Variants in RBM6 observed in about 807,000 individuals in gnomAD.
The protein encoded by RBM6 is RNA binding motif protein 6.
Under a neutral mutation model 140.4 loss-of-function variants are expected in RBM6, and 23 were observed. The ratio of observed to expected loss-of-function variants is 0.16; its 90% CI spans 0.12 to 0.23. The LOEUF (loss-of-function observed/expected upper bound fraction) is 0.23, where lower values mean the gene tolerates loss of function less well. RBM6 is among the 10% of genes least tolerant of loss of function. The pLI, the probability that RBM6 is intolerant of heterozygous loss-of-function variation, is 1.00. For missense variants in RBM6, 1,139 were observed against 1,386.7 expected (o/e 0.82, Z 2.84); for synonymous variants, 439 against 475.6 (o/e 0.92, Z 1.00).
intron 14 of RBM6, 117 bp from the exon 15 acceptor site, chr3:50,061,845 A>G: frequency 7.3e-7 from 1 of 1,367,442 alleles, no homozygotes; most frequent in Non-Finnish European, 9.8e-7. Context: ...GACTCTTCTT[A>G]GACTTGTAAG....
chr3:49,969,012 C>CATTTATTT (rs549393903), intron 3 of RBM6, among the ~76,000 whole-genome samples: 1 of 147,414 alleles, frequency 6.8e-6, no homozygotes, highest in Non-Finnish European at 1.5e-5. Context: ...TGAAGGATGA[C>CATTTATTT]ATTTATTTAT....
chr3:49,959,885 A>G (rs1559525823), intron 1 of RBM6, among the ~76,000 whole-genome samples: 1 of 152,098 alleles, frequency 6.6e-6, no homozygotes, highest in Non-Finnish European at 1.5e-5. Flanking sequence ...GTCTTGTATG[A>G]TCATACATTT....
chr3:50,006,887 G>A (rs942543934), intron 6 of RBM6, among the ~76,000 whole-genome samples: 12 of 146,894 alleles, frequency 8.2e-5, no homozygotes, highest in South Asian at 2.2e-4. Context: ...AGCCGAGATC[G>A]CACCACTGCA....
intron 5 of RBM6, among the ~76,000 whole-genome samples, chr3:49,988,666 A>C (rs1309698212): frequency 6.6e-6 from 1 of 152,150 alleles, no homozygotes; most frequent in East Asian, 1.9e-4. Context: ...CATAATTATC[A>C]AATATGTAGT....
intron 15 of RBM6, among the ~76,000 whole-genome samples, chr3:50,062,468 C>T (rs2089977779): frequency 6.6e-6 from 1 of 150,848 alleles, no homozygotes; most frequent in African/African-American, 2.4e-5. Context: ...CGCGCCACTA[C>T]ACTCCAGCCT....
intron 10 of RBM6, chr3:50,059,438 T>C: frequency 2.5e-6 from 1 of 397,140 alleles, no homozygotes; most frequent in East Asian, 4.1e-5. Context: ...AACTGACATC[T>C]ATTCTGATTC....
Position 50,060,864 on chromosome 3 carries a change from A to G in RBM6, c.2229-92A>G, listed in dbSNP as rs545003453. 33 of 1,358,586 alleles carry G rather than the reference A, an allele frequency of 2.4e-5. No individual in the cohort carries two copies. The African/African-American group carries it at 4.8e-4, about 20-fold the overall frequency. 84.2% of individuals were successfully genotyped at this position (1,358,586 alleles called of 1,614,324 possible). Reference sequence around the variant, plus strand: ...GGTTCCTTTCCCTGCAAAATGAGGAACAGAGGATTTCTCGATAGGAACTGT... The same window carrying G: ...GGTTCCTTTCCCTGCAAAATGAGGAGCAGAGGATTTCTCGATAGGAACTGT... On this transcript the variant is annotated intron_variant, in intron 11 of 20. Transcript: ENST00000266022.
At chr3:50,011,127 T>G (rs545221699) in intron 6 of RBM6, among the ~76,000 whole-genome samples, 2 of 151,762 alleles carry the variant, frequency 1.3e-5, no homozygotes, top group Admixed American at 6.6e-5. Flanking sequence ...CTCAGGAGGC[T>G]GAGATAGGAG....
intron 1 of RBM6, among the ~76,000 whole-genome samples, chr3:49,941,666 A>AAAAAAAAC (rs1228773810): frequency 7.1e-6 from 1 of 140,306 alleles, no homozygotes; most frequent in African/African-American, 2.6e-5. Flanking sequence ...AAAAAAAAAA[A>AAAAAAAAC]AAAACCCGCA....
At chr3:50,067,655 C>T (rs1390808620) in intron 17 of RBM6, among the ~76,000 whole-genome samples, 1 of 152,202 alleles carries the variant, frequency 6.6e-6, no homozygotes, top group African/African-American at 2.4e-5. Flanking sequence ...ATACATTGGT[C>T]TTCCCCTGTA....
intron 1 of RBM6, among the ~76,000 whole-genome samples, chr3:49,942,121 TA>T (rs2083311010): frequency 3.4e-5 from 5 of 149,112 alleles, no homozygotes; most frequent in Middle Eastern, 7.0e-3. Context: ...ATCAATTAAA[TA>T]AATTGTGGTA....
intron 6 of RBM6, among the ~76,000 whole-genome samples, chr3:50,038,553 C>T (rs1364521719): frequency 1.3e-5 from 2 of 152,160 alleles, no homozygotes; most frequent in African/African-American, 2.4e-5. Context: ...TAAATCAGGC[C>T]GGGTACAGGG....
chr3:50,014,977 A>G (rs576658496), intron 6 of RBM6, among the ~76,000 whole-genome samples: 2 of 140,548 alleles, frequency 1.4e-5, no homozygotes, highest in South Asian at 2.4e-4. Flanking sequence ...TGAACCCAGA[A>G]GGTGGAGGTT....
intron 8 of RBM6, 42 bp from the exon 9 acceptor site, chr3:50,057,684 TTG>T (rs1230517734): frequency 8.6e-6 from 13 of 1,511,374 alleles, no homozygotes; most frequent in South Asian, 2.6e-5. Context: ...TTTTTTTTTT[TTG>T]ATAAAGCTTT....
In RBM6 at chr3:49,975,384, A is replaced by G. The variant is rs781716945; in HGVS notation, c.1475A>G (p.Tyr492Cys). ...GTAAAGAACTTGCAGTTGAAGGAGTATAACACAGGTGAGTTTCTTGACTTG... is the reference window on the plus strand; with the variant it reads ...GTAAAGAACTTGCAGTTGAAGGAGTGTAACACAGGTGAGTTTCTTGACTTG... ...MPVKNLQLKE[Y>C]NTGYDYGYVC... The change falls in exon 5 of 21, where the codon TAT (tyrosine) becomes TGT (cysteine). Residue 492 changes from tyrosine (Y) to cysteine (C), a missense_variant. Around this residue, in one of 9 missense-constraint regions of RBM6, gnomAD observed 58 missense variants for 99.7 expected, o/e 0.58. Transcript: ENST00000266022. 1.9e-6 allele frequency: 3 copies of G among 1,613,050 alleles called. No homozygotes were observed. The South Asian group carries it at 3.3e-5, about 18-fold the overall frequency.
At chr3:50,039,156 A>G (rs1052724467) in intron 6 of RBM6, among the ~76,000 whole-genome samples, 54 of 152,184 alleles carry the variant, frequency 3.5e-4, no homozygotes, top group African/African-American at 1.3e-3. Context: ...AATTCTGAGA[A>G]TTATCAGTAA....
At chr3:49,997,489 G>A (rs1256740396) in intron 5 of RBM6, among the ~76,000 whole-genome samples, 1 of 152,160 alleles carries the variant, frequency 6.6e-6, no homozygotes, top group East Asian at 1.9e-4. Context: ...AGCACAGAAA[G>A]GAAACTTAGG....
intron 19 of RBM6, among the ~76,000 whole-genome samples, chr3:50,074,497 T>A (rs1381268480): frequency 6.6e-6 from 1 of 151,962 alleles, no homozygotes; most frequent in African/African-American, 2.4e-5. Flanking sequence ...AATTTTGTAT[T>A]TTTAGTAGAG....
At chr3:50,015,134 TCA>T (rs1202581981) in intron 6 of RBM6, among the ~76,000 whole-genome samples, 2 of 150,126 alleles carry the variant, frequency 1.3e-5, no homozygotes, top group African/African-American at 4.9e-5. Flanking sequence ...TGAGACAGAG[TCA>T]CGCTCTGTCA....
Sources: gnomAD v4.1 joint callset for allele counts (sites outside exome capture counted in the v4.1 genomes callset) on GRCh38, gnomAD v4.1.1 for gene constraint, gnomAD v4.1.1 regional missense constraint, MANE v1.5 for transcripts, NCBI Gene and HGNC (gene_info 2026-07-23, HGNC 2026-07-21) for gene names.